The following ANKH variants were observed in gnomAD, a reference collection of about 807,000 sequenced individuals.
ANKH encodes the protein mineralization regulator ANKH.
Under a neutral mutation model 49.0 loss-of-function variants are expected in ANKH, and 15 were observed. That is an observed-to-expected ratio of 0.31 (90% CI 0.20 to 0.47). The LOEUF is 0.47. Among genes scored for constraint, ANKH ranks in the 20% least tolerant of loss-of-function variants. The pLI, the probability that ANKH is intolerant of heterozygous loss-of-function variation, is 1.00. For synonymous variants in ANKH, 273 were observed against 260.0 expected, an observed-to-expected ratio of 1.05 and a Z score of -0.48; for missense variants, 429 against 652.0, an observed-to-expected ratio of 0.66 and a Z score of 3.72.
intron 1 of ANKH, among the ~76,000 whole-genome samples, chr5:14,828,263 G>A (rs967291596): frequency 1.3e-5 from 2 of 151,954 alleles, no homozygotes; most frequent in Non-Finnish European, 2.9e-5. Flanking sequence ...AGGCCGAGGC[G>A]GGCATATCAC....
chr5:14,857,919 G>A (rs1252006925), intron 1 of ANKH, among the ~76,000 whole-genome samples: 4 of 152,184 alleles, frequency 2.6e-5, no homozygotes, highest in African/African-American at 9.6e-5. Context: ...CCGCTCTGCA[G>A]AAGCCTGGAA....
intron 1 of ANKH, among the ~76,000 whole-genome samples, chr5:14,855,176 A>G (rs1003630481): frequency 6.6e-6 from 1 of 152,214 alleles, no homozygotes; most frequent in Non-Finnish European, 1.5e-5. Context: ...TTTAGGCCTC[A>G]GCTGGCACTA....
chr5:14,805,398 G>A (rs1223984975), intron 1 of ANKH, among the ~76,000 whole-genome samples: 3 of 19,366 alleles, frequency 1.5e-4, no homozygotes, highest in Admixed American at 7.5e-4. Flanking sequence ...GTATATATAC[G>A]TGTGTGTGTG....
At chr5:14,797,978 T>G in intron 1 of ANKH, 1 of 1,563,204 alleles carries the variant, frequency 6.4e-7, no homozygotes, top group Non-Finnish European at 8.8e-7. Flanking sequence ...GAGTCTTTGT[T>G]GTGATGATAC....
At chr5:14,775,111 C>G (rs1025368043) in intron 1 of ANKH, among the ~76,000 whole-genome samples, 4 of 151,878 alleles carry the variant, frequency 2.6e-5, no homozygotes, top group African/African-American at 9.7e-5. Flanking sequence ...AGCTGTAGAA[C>G]TGTGGCAAAA....
intron 2 of ANKH, chr5:14,768,483 G>T (rs1372285057): frequency 1.5e-5 from 3 of 193,558 alleles, no homozygotes; most frequent in African/African-American, 7.1e-5. Context: ...GTTGTTTCAT[G>T]GAAAGAATGC....
intron 1 of ANKH, among the ~76,000 whole-genome samples, chr5:14,848,271 T>C (rs937839891): frequency 3.9e-5 from 6 of 151,962 alleles, no homozygotes; most frequent in African/African-American, 1.5e-4. Context: ...GTGAAGAGAG[T>C]AGTGAAGAGA....
intron 4 of ANKH, among the ~76,000 whole-genome samples, chr5:14,753,830 G>A (rs1182563791): frequency 6.6e-6 from 1 of 152,084 alleles, no homozygotes; most frequent in African/African-American, 2.4e-5. Context: ...AACCCCCCTC[G>A]AGAATTGCCA....
chr5:14,759,538 C>G (rs1739004889), intron 2 of ANKH, among the ~76,000 whole-genome samples: 1 of 151,808 alleles, frequency 6.6e-6, no homozygotes, highest in African/African-American at 2.4e-5. Flanking sequence ...ATTGCTTAGC[C>G]TAAGAGTTTG....
In ANKH at chr5:14,737,557, G is replaced by C. The variant is rs960095108; in HGVS notation, c.1011+4270C>G. ...ACAGAGACCGCAGCTGTCCAGGAAGGCTCAGGGCAAGGCGACCACTGGCTC... is the reference window on the plus strand; with the variant it reads ...ACAGAGACCGCAGCTGTCCAGGAAGCCTCAGGGCAAGGCGACCACTGGCTC... On this transcript the variant is annotated intron_variant, in intron 8 of 11. Transcript: ENST00000284268. This position sits in a 1 kb window ranked among gnomAD's most constrained non-coding sequence, Gnocchi z 5.0. Among the ~76,000 whole-genome samples the C allele has an allele frequency of 2.0e-5, 3 of 152,298 alleles. No homozygotes were observed. The highest frequency in any genetic ancestry group is 6.5e-5 in the Admixed American group (1 of 15,304).
At chr5:14,711,647 T>G (rs766582810) in intron 11 of ANKH, among the ~76,000 whole-genome samples, 5 of 152,136 alleles carry the variant, frequency 3.3e-5, no homozygotes, top group Non-Finnish European at 5.9e-5. Context: ...GTAGACTGCT[T>G]CTCCTTCCTC....
chr5:14,763,991 A>C (rs1208252080), intron 2 of ANKH, among the ~76,000 whole-genome samples: 2 of 152,154 alleles, frequency 1.3e-5, no homozygotes, highest in African/African-American at 4.8e-5. Flanking sequence ...TGGGAGGCTG[A>C]GGCAGGAGAA....
chr5:14,798,108 T>C, intron 1 of ANKH: 2 of 1,558,226 alleles, frequency 1.3e-6, no homozygotes, highest in Non-Finnish European at 1.8e-6. Context: ...CTCTCTGTCG[T>C]AGTGTGATGC....
chr5:14,782,550 CAGAG>C (rs1462612362), intron 1 of ANKH, among the ~76,000 whole-genome samples: 2 of 152,150 alleles, frequency 1.3e-5, no homozygotes, highest in Non-Finnish European at 2.9e-5. Context: ...ATACTTTAAA[CAGAG>C]AGGACTAGCT....
intron 8 of ANKH, among the ~76,000 whole-genome samples, chr5:14,729,801 G>C (rs1737939079): frequency 1.3e-5 from 2 of 152,200 alleles, no homozygotes; most frequent in African/African-American, 4.8e-5. Flanking sequence ...TGCACAGACA[G>C]GGGTTAGCTC....
At chr5:14,787,979 C>T (rs1283348185) in intron 1 of ANKH, 1 of 152,096 alleles carries the variant, frequency 6.6e-6, no homozygotes, top group East Asian at 1.9e-4. Flanking sequence ...ACCTACTTCC[C>T]TTTTTTGGAC....
At chr5:14,803,326 C>G (rs559705275) in intron 1 of ANKH, among the ~76,000 whole-genome samples, 1 of 152,328 alleles carries the variant, frequency 6.6e-6, no homozygotes, top group East Asian at 1.9e-4. Context: ...GTTGCCCGGG[C>G]TGGAGTGCAG....
rs530314444 is a variant in ANKH, at chr5:14,857,377, G to A, written c.96+13975C>T. 6.4e-4 allele frequency among the ~76,000 whole-genome samples: 97 copies of A among 152,304 alleles called. 1 individual carries two copies. The highest frequency in any genetic ancestry group is 2.1e-3 in the African/African-American group (88 of 41,562). On this transcript the variant is annotated intron_variant, in intron 1 of 11. Coordinates refer to ENST00000284268, the MANE Select transcript of ANKH (RefSeq NM_054027.6). ...AAGTATTACATTAAGAAAAACTGCT[G>A]GGTGCAGTGGCTTATGCCTGTAATC...
chr5:14,743,093 C>A (rs1738415888), intron 7 of ANKH, among the ~76,000 whole-genome samples: 1 of 152,228 alleles, frequency 6.6e-6, no homozygotes, highest in African/African-American at 2.4e-5. Flanking sequence ...GGTCATTTCT[C>A]AAATCCCTTC....
Sources: allele counts gnomAD v4.1 joint callset (sites outside exome capture counted in the v4.1 genomes callset), GRCh38; gene constraint gnomAD v4.1.1; non-coding constraint Gnocchi (gnomAD v3.1); transcripts MANE v1.5; gene names NCBI Gene and HGNC (gene_info 2026-07-23, HGNC 2026-07-21).